PAXIP1: variants seen among roughly 807,000 people sequenced by gnomAD.
PAXIP1 encodes PAX-interacting protein 1.
PAXIP1 carries 19 observed loss-of-function variants against 140.6 expected under a neutral mutation model. The ratio of observed to expected loss-of-function variants is 0.14; its 90% confidence interval spans 0.09 to 0.20. PAXIP1 has a LOEUF of 0.20. Ranked by LOEUF, PAXIP1 falls within the 10% of genes least tolerant of loss-of-function variation. The probability of loss-of-function intolerance (pLI) is 1.00; values close to 1 mark genes in which losing one functional copy is unlikely to be tolerated. For synonymous variants in PAXIP1, 442 were observed against 444.6 expected, an observed-to-expected ratio of 0.99 and a Z score of 0.07; for missense variants, 920 against 1,208.6, an observed-to-expected ratio of 0.76 and a Z score of 3.54.
chr7:154,970,118 A>G (rs1436134659), intron 6 of PAXIP1, among the ~76,000 whole-genome samples: 12 of 152,212 alleles, frequency 7.9e-5, no homozygotes, highest in Non-Finnish European at 4.4e-5. Context: ...CACATTATAC[A>G]ATGAATTTTG....
chr7:154,982,991 TA>T (rs3835185), intron 5 of PAXIP1, among the ~76,000 whole-genome samples: 38,297 of 152,060 alleles, frequency 0.25, 5,419 homozygotes, highest in Middle Eastern at 0.38. Context: ...GTTTTCCGCA[TA>T]AAATGAAGCA....
At chr7:154,964,963 T>C (rs1038530520) in intron 8 of PAXIP1, 1 of 152,260 alleles carries the variant, frequency 6.6e-6, no homozygotes, top group African/African-American at 2.4e-5. Context: ...AATGTACATA[T>C]GGTGGTTCTA....
Position 154,973,914 on chromosome 7 carries a change from C to T in PAXIP1, c.1074+1782G>A, listed in dbSNP as rs1162246714. Among the ~76,000 whole-genome samples, 2 of 152,158 alleles carry T rather than the reference C, an allele frequency of 1.3e-5. No individual in the cohort carries two copies. Among genetic ancestry groups the T allele is most frequent in the South Asian group, 2.1e-4 (1 of 4,832 alleles). On this transcript the variant is annotated intron_variant, in intron 6 of 20. Coordinates refer to ENST00000404141, the MANE Select transcript of PAXIP1 (RefSeq NM_007349.4). The surrounding 1 kb of genome is among the most constrained non-coding windows in gnomAD (Gnocchi z 4.0). ...TGAAAGTGTCCAGAACAAGGTGAAG[C>T]GGCAGACGGGGTGTCACCATCAGAT...
chr7:154,991,452 CTTGT>C (rs1810326407), intron 3 of PAXIP1, among the ~76,000 whole-genome samples: 1 of 152,332 alleles, frequency 6.6e-6, no homozygotes, highest in South Asian at 2.1e-4. Flanking sequence ...ATTAAAACGT[CTTGT>C]TTCTTTTAGA....
rs1485653439 is a variant in PAXIP1, at chr7:154,975,696, A to C, written c.1074T>G (p.His358Gln). ...ATTTTTTTCGGAAAGAGTGACTTAC[A>C]TGTGCTACATTTGATGGCCGGTTCA... ...QQMNRPSNVA[H>Q]ILQTLSAPTK... is the part of the protein sequence containing the mutation. Residue 358 changes from histidine (H) to glutamine (Q), a missense_variant and splice_region_variant, in exon 6 of 21, where the codon CAT becomes CAG. Around this residue, in one of 5 missense-constraint regions of PAXIP1, gnomAD observed 419 missense variants for 514.7 expected, o/e 0.81. Transcript: ENST00000404141. 3 of 1,595,976 alleles carry C rather than the reference A, an allele frequency of 1.9e-6. No individual in the cohort carries two copies. Among genetic ancestry groups the C allele is most frequent in the Non-Finnish European group, 8.6e-7 (1 of 1,164,554 alleles).
intron 4 of PAXIP1, among the ~76,000 whole-genome samples, chr7:154,989,975 T>A (rs1203227961): frequency 6.6e-6 from 1 of 151,844 alleles, no homozygotes; most frequent in Non-Finnish European, 1.5e-5. Flanking sequence ...ATAATGCTTA[T>A]CAATAAATGT....
chr7:154,973,395 G>C lies in PAXIP1; in HGVS notation c.1074+2301C>G, dbSNP rs1809422737. 6.6e-6 allele frequency among the ~76,000 whole-genome samples: 1 copy of C among 152,150 alleles called. No homozygotes were observed. The highest frequency in any genetic ancestry group is 1.5e-5 in the Non-Finnish European group (1 of 68,022). ...GGAAGGCCAGCTCGGCATTTTATCA[G>C]GCATCCACCTCTCAAGCCAGAAACC... is the stretch of plus-strand genomic sequence containing the variant. On this transcript the variant is annotated intron_variant, in intron 6 of 20. Coordinates refer to ENST00000404141, the MANE Select transcript of PAXIP1 (RefSeq NM_007349.4). This position sits in a 1 kb window ranked among gnomAD's most constrained non-coding sequence, Gnocchi z 4.0.
At chr7:154,976,833 C>G (rs1809604763) in intron 5 of PAXIP1, among the ~76,000 whole-genome samples, 1 of 152,212 alleles carries the variant, frequency 6.6e-6, no homozygotes, top group Non-Finnish European at 1.5e-5. Context: ...ATTTATGGAG[C>G]TCATGCTATA....
At chr7:155,002,570 G>A (rs1281477752) in intron 1 of PAXIP1, among the ~76,000 whole-genome samples, 4 of 151,902 alleles carry the variant, frequency 2.6e-5, no homozygotes, top group African/African-American at 9.7e-5. Flanking sequence ...TGGGTCGGGG[G>A]CGGCGACCCC....
Position 154,976,212 on chromosome 7 carries a change from A to G in PAXIP1, c.558T>C (p.Ile186=). ...KDEAFYHPRL[I]IYEEEEEEEE... is the part of the protein sequence containing the mutation. The stretch of plus-strand genomic sequence containing the variant: ...CTTCCTCTTCTTCCTCTTCATAAAT[A>G]ATCAGACGAGGATGATAAAATGCTT... Residue 186 remains isoleucine (I), a synonymous_variant, in exon 6 of 21, where the codon ATT becomes ATC. Transcript: ENST00000404141. 2 of 1,613,442 alleles carry G rather than the reference A, an allele frequency of 1.2e-6. No homozygotes were observed. The highest frequency in any genetic ancestry group is 1.7e-6 in the Non-Finnish European group (2 of 1,179,548).
At chr7:154,964,040 A>C (rs1585050735) in intron 8 of PAXIP1, 1 of 381,098 alleles carries the variant, frequency 2.6e-6, no homozygotes, top group African/African-American at 2.1e-5. Flanking sequence ...GCTCAATGTA[A>C]CTGCCACTCT....
intron 4 of PAXIP1, among the ~76,000 whole-genome samples, chr7:154,990,037 CTTTTTT>C (rs749788206): frequency 9.1e-6 from 1 of 109,948 alleles, no homozygotes; most frequent in Non-Finnish European, 1.8e-5. Flanking sequence ...ATAAGTTTCT[CTTTTTT>C]TTTTTTTTTT....
intron 5 of PAXIP1, among the ~76,000 whole-genome samples, chr7:154,982,794 A>G (rs1044305476): frequency 2.0e-5 from 3 of 152,210 alleles, no homozygotes; most frequent in African/African-American, 7.2e-5. Context: ...TCATTTTCAT[A>G]TATTCCAGAT....
At chr7:154,972,566 C>T (rs1040386206) in intron 6 of PAXIP1, among the ~76,000 whole-genome samples, 2 of 152,162 alleles carry the variant, frequency 1.3e-5, no homozygotes, top group Non-Finnish European at 2.9e-5. Context: ...TTTGACACCA[C>T]AGATAAATGA....
chr7:154,975,653 C>A (rs762491984), intron 6 of PAXIP1, 43 bp downstream of exon 6: 1 of 1,341,728 alleles, frequency 7.5e-7, no homozygotes, highest in South Asian at 1.3e-5. Flanking sequence ...AAATCCAATT[C>A]TAAGATCCAA....
chr7:154,962,601 T>G, intron 9 of PAXIP1, 143 bp from the exon 10 acceptor site: 1 of 647,344 alleles, frequency 1.5e-6, no homozygotes, highest in Admixed American at 3.1e-5. Flanking sequence ...TTGATTAAAG[T>G]AACGAATTAA....
chr7:154,968,658 CAAGCTGCTGCTGCTG>C lies in PAXIP1; in HGVS notation c.1528_1542del (p.Gln510_Leu514del), dbSNP rs1264763029. On this transcript the variant is annotated inframe_deletion, in exon 7 of 21. Transcript: ENST00000404141. ...AGGCTGTGCTGCTGCTGGAGCTGGGCAAGCTGCTGCTGCTGGAGCTGGTGCTGCTGCAGCTGATGG... is the reference window on the plus strand; with the variant it reads ...AGGCTGTGCTGCTGCTGGAGCTGGGCGAGCTGGTGCTGCTGCAGCTGATGG... The C allele has an allele frequency of 2.8e-6, 2 of 711,990 alleles. No homozygotes were observed. The highest frequency in any genetic ancestry group is 2.6e-6 in the Non-Finnish European group (1 of 383,380). 44.1% of individuals were successfully genotyped at this position (711,990 alleles called of 1,614,324 possible). A position where few individuals can be genotyped will look rare whatever the true frequency, so the allele number is the denominator to read the frequency against.
Position 154,963,322 on chromosome 7 carries a change from C to T in PAXIP1, c.1989+349G>A, listed in dbSNP as rs955669575. ...TCCTGAGTAGCTGGGATTAGAGCTGCGCACCACCACACCTGGCTAATTTTT... is the reference window on the plus strand; with the variant it reads ...TCCTGAGTAGCTGGGATTAGAGCTGTGCACCACCACACCTGGCTAATTTTT... On this transcript the variant is annotated intron_variant, in intron 9 of 20. Transcript: ENST00000404141. This position sits in a 1 kb window ranked among gnomAD's most constrained non-coding sequence, Gnocchi z 4.1. 9.2e-5 allele frequency among the ~76,000 whole-genome samples: 14 copies of T among 152,150 alleles called. No homozygotes were observed. Among genetic ancestry groups the T allele is most frequent in the South Asian group, 4.1e-4 (2 of 4,820 alleles).
chr7:154,973,863 T>G lies in PAXIP1; in HGVS notation c.1074+1833A>C, dbSNP rs542898070. The stretch of plus-strand genomic sequence containing the variant: ...CCTATATGCTACAGAGCCATTTTTC[T>G]GGGACTTTGAGCTGTCATTATGAAA... On this transcript the variant is annotated intron_variant, in intron 6 of 20. Coordinates refer to ENST00000404141, the MANE Select transcript of PAXIP1 (RefSeq NM_007349.4). The surrounding 1 kb of genome is among the most constrained non-coding windows in gnomAD (Gnocchi z 4.0). Among the ~76,000 whole-genome samples the G allele has an allele frequency of 7.6e-4, 116 of 152,350 alleles. No homozygotes were observed. The highest frequency in any genetic ancestry group is 2.7e-3 in the African/African-American group (113 of 41,588).
Sources: gnomAD v4.1 joint callset for allele counts (sites outside exome capture counted in the v4.1 genomes callset) on GRCh38, gnomAD v4.1.1 for gene constraint, gnomAD v4.1.1 regional missense constraint, Gnocchi (gnomAD v3.1) non-coding constraint, MANE v1.5 for transcripts, NCBI Gene and HGNC (gene_info 2026-07-23, HGNC 2026-07-21) for gene names.